Variants in ITSN2 observed in about 807,000 individuals in gnomAD.
The protein encoded by ITSN2 is intersectin 2, also known as intersectin-2.
A neutral mutation model predicts 243.7 loss-of-function variants in ITSN2; 156 were observed. That is an observed-to-expected ratio of 0.64 (90% CI 0.56 to 0.73). The LOEUF (loss-of-function observed/expected upper bound fraction) is 0.73. Among genes scored for constraint, ITSN2 ranks in the 30% least tolerant of loss-of-function variants. ITSN2 has a pLI of 0.00. For synonymous variants in ITSN2, 703 were observed against 699.9 expected, an observed-to-expected ratio of 1.00 and a Z score of -0.07; for missense variants, 1,801 against 1,996.1, an observed-to-expected ratio of 0.90 and a Z score of 1.86.
chr2:24,234,452 A>G (rs1490417999), intron 29 of ITSN2, among the ~76,000 whole-genome samples: 1 of 152,220 alleles, frequency 6.6e-6, no homozygotes, highest in East Asian at 1.9e-4. Flanking sequence ...ATGACTCTTT[A>G]GATATGATAC....
Position 24,204,835 on chromosome 2 carries a change from C to G in ITSN2, c.4762+379G>C, listed in dbSNP as rs1032299186. 2.3e-6 allele frequency: 1 copy of G among 426,506 alleles called. No individual in the cohort carries two copies. 26.4% of individuals were successfully genotyped at this position (426,506 alleles called of 1,614,324 possible). ...AGAAAGCATTCCTTTATTCAGTGTT[C>G]AGAAGAGTCATCAGTGGCTGGGCGC... On this transcript the variant is annotated intron_variant, in intron 38 of 39. Coordinates refer to ENST00000355123, the MANE Select transcript of ITSN2 (RefSeq NM_006277.3). The surrounding 1 kb of genome is among the most constrained non-coding windows in gnomAD (Gnocchi z 5.1).
intron 1 of ITSN2, among the ~76,000 whole-genome samples, chr2:24,335,618 G>T (rs1390668777): frequency 6.6e-6 from 1 of 151,936 alleles, no homozygotes; most frequent in African/African-American, 2.4e-5. Context: ...ACAAGCGAAA[G>T]CCACTGCACC....
At chr2:24,268,595 C>A (rs1285945057) in intron 20 of ITSN2, among the ~76,000 whole-genome samples, 2 of 152,162 alleles carry the variant, frequency 1.3e-5, no homozygotes, top group African/African-American at 2.4e-5. Context: ...ATTCTTTGAG[C>A]TGTATACTTA....
intron 29 of ITSN2, among the ~76,000 whole-genome samples, chr2:24,235,161 G>A (rs928928508): frequency 1.3e-5 from 2 of 152,138 alleles, no homozygotes; most frequent in African/African-American, 2.4e-5. Context: ...GCACTAAAAC[G>A]AAAGGATCAA....
At chr2:24,315,436 T>C (rs994814700) in intron 2 of ITSN2, among the ~76,000 whole-genome samples, 2 of 152,210 alleles carry the variant, frequency 1.3e-5, no homozygotes, top group African/African-American at 4.8e-5. Flanking sequence ...AAGTGCTATA[T>C]CACACTCACT....
At chr2:24,208,359 C>G in intron 36 of ITSN2, 40 bp from the exon 37 acceptor site, 1 of 1,489,220 alleles carries the variant, frequency 6.7e-7, no homozygotes, top group Non-Finnish European at 9.3e-7. Context: ...CGCATCCCAC[C>G]CTCACAGGTC....
At chr2:24,221,214 G>A in intron 29 of ITSN2, 148 bp from the exon 30 acceptor site, 2 of 760,188 alleles carry the variant, frequency 2.6e-6, no homozygotes, top group East Asian at 2.9e-5. Flanking sequence ...CTGCAGAGCA[G>A]CATGCGTACG....
intron 15 of ITSN2, chr2:24,293,165 T>A (rs1680489541): frequency 1.3e-5 from 2 of 152,208 alleles, no homozygotes; most frequent in Admixed American, 6.5e-5. Context: ...GAATGTTTTG[T>A]TCCACAGGTG....
chr2:24,335,680 C>T, intron 1 of ITSN2, among the ~76,000 whole-genome samples: 1 of 56,538 alleles, frequency 1.8e-5, no homozygotes, highest in Non-Finnish European at 5.0e-5. Context: ...CACTCTATCC[C>T]CCAGGCTGGA....
chr2:24,269,431 CT>C (rs1677082964), intron 20 of ITSN2, among the ~76,000 whole-genome samples: 1 of 152,282 alleles, frequency 6.6e-6, no homozygotes, highest in South Asian at 2.1e-4. Flanking sequence ...AATCAGGCAA[CT>C]CATGACTGAC....
At chr2:24,328,763 C>G (rs367593526) in intron 1 of ITSN2, among the ~76,000 whole-genome samples, 2 of 152,086 alleles carry the variant, frequency 1.3e-5, no homozygotes, top group Non-Finnish European at 2.9e-5. Flanking sequence ...GCACCCAGCC[C>G]ATAGTATCAT....
At position 24,315,160 on chromosome 2, in the gene ITSN2, G is replaced by A. The variant is rs778935945; in HGVS notation, c.96C>T (p.Asn32=). The change falls in exon 3 of 40, where the codon AAC becomes AAT. Residue 32 remains asparagine, a synonymous_variant. Coordinates refer to ENST00000355123, the MANE Select transcript of ITSN2 (RefSeq NM_006277.3). ...TTATGTAACCTCCTGAAGGTTTGAGGTTATCAAACTGCCTGTCATGCTTAG... is the reference window on the plus strand; with the variant it reads ...TTATGTAACCTCCTGAAGGTTTGAGATTATCAAACTGCCTGTCATGCTTAG... ...ERTKHDRQFD[N]LKPSGGYITG... The A allele has an allele frequency of 1.6e-5, 25 of 1,610,010 alleles. No homozygotes were observed. Among genetic ancestry groups the A allele is most frequent in the Non-Finnish European group, 2.0e-5 (24 of 1,176,762 alleles).
At chr2:24,266,359 T>C (rs1295788413) in intron 20 of ITSN2, among the ~76,000 whole-genome samples, 1 of 152,192 alleles carries the variant, frequency 6.6e-6, no homozygotes, top group Non-Finnish European at 1.5e-5. Context: ...TAAATTTGAT[T>C]AACAATAGAC....
At chr2:24,264,900 CTCG>C (rs1056766938) in intron 20 of ITSN2, among the ~76,000 whole-genome samples, 9 of 151,602 alleles carry the variant, frequency 5.9e-5, no homozygotes, top group Non-Finnish European at 1.3e-4. Context: ...TTTGAATCAT[CTCG>C]TCATTTGCTA....
intron 17 of ITSN2, among the ~76,000 whole-genome samples, chr2:24,276,726 G>A (rs930688202): frequency 1.3e-5 from 2 of 152,116 alleles, no homozygotes; most frequent in African/African-American, 4.8e-5. Context: ...GTTTACTCCT[G>A]ACCTAAACAA....
chr2:24,325,391 C>A (rs185790533), intron 2 of ITSN2, among the ~76,000 whole-genome samples: 3 of 151,996 alleles, frequency 2.0e-5, no homozygotes, highest in African/African-American at 4.8e-5. Context: ...ACCTGGGCAA[C>A]AGAGTGGAGA....
At chr2:24,303,631 T>C (rs1682089122) in intron 9 of ITSN2, among the ~76,000 whole-genome samples, 168 bp downstream of exon 9, 1 of 152,246 alleles carries the variant, frequency 6.6e-6, no homozygotes, top group South Asian at 2.1e-4. Flanking sequence ...TCTGCACAAT[T>C]ACATTTGCCT....
At chr2:24,343,414 G>C (rs1299772676) in intron 1 of ITSN2, among the ~76,000 whole-genome samples, 1 of 152,070 alleles carries the variant, frequency 6.6e-6, no homozygotes, top group African/African-American at 2.4e-5. Context: ...CAGTGAATAA[G>C]TAATCTTCTA....
intron 1 of ITSN2, among the ~76,000 whole-genome samples, chr2:24,347,471 G>A (rs1687645624): frequency 6.6e-6 from 1 of 152,192 alleles, no homozygotes; most frequent in East Asian, 1.9e-4. Flanking sequence ...TGGATCACCT[G>A]AGGTCGGGAG....
Sources: allele counts gnomAD v4.1 joint callset (sites outside exome capture counted in the v4.1 genomes callset), GRCh38; gene constraint gnomAD v4.1.1; non-coding constraint Gnocchi (gnomAD v3.1); transcripts MANE v1.5; gene names NCBI Gene and HGNC (gene_info 2026-07-23, HGNC 2026-07-21).